Variants in COL26A1 observed in about 807,000 individuals in gnomAD.
COL26A1 encodes collagen alpha-1(XXVI) chain.
In COL26A1, 41 loss-of-function variants were observed where a neutral mutation model predicts 59.3. That is an observed-to-expected ratio of 0.69 (90% CI 0.54 to 0.90). The LOEUF is 0.90. COL26A1 is among the 40% of genes least tolerant of loss of function. The pLI is 0.00. For synonymous variants in COL26A1, 266 were observed against 256.0 expected (o/e 1.04, Z -0.37); for missense variants, 612 against 602.3 (o/e 1.02, Z -0.17).
Position 101,547,204 on chromosome 7 carries a change from G to T in COL26A1, c.905G>T (p.Gly302Val). The T allele has an allele frequency of 6.3e-7, 1 of 1,596,290 alleles. No homozygotes were observed. Among genetic ancestry groups the T allele is most frequent in the Non-Finnish European group, 8.5e-7 (1 of 1,173,130 alleles). ...ASAIVDTVLA[G>V]VPGPRGPPGP... ...GCCATCGTGGACACAGTGCTGGCAGGTGTCCCAGGACCCCGGGGTCCCCCT... is the reference window on the plus strand; with the variant it reads ...GCCATCGTGGACACAGTGCTGGCAGTTGTCCCAGGACCCCGGGGTCCCCCT... Residue 302 changes from glycine to valine, a missense_variant, in exon 8 of 13, where the codon GGT becomes GTT. Physicochemically the swap from Gly to Val is moderately radical, Grantham distance 109. Transcript: ENST00000313669.
At chr7:101,466,795 GGTGTGTGTGT>G (rs59942660) in intron 3 of COL26A1, among the ~76,000 whole-genome samples, 11 of 125,174 alleles carry the variant, frequency 8.8e-5, no homozygotes, top group East Asian at 4.7e-4. Flanking sequence ...GGCATGTTCT[GGTGTGTGTGT>G]GTGTGTGTGT....
At chr7:101,434,060 C>CCCTCCCTCCCTCCCTT (rs1792845747) in intron 2 of COL26A1, among the ~76,000 whole-genome samples, 1 of 108,570 alleles carries the variant, frequency 9.2e-6, no homozygotes, top group Non-Finnish European at 1.9e-5. Context: ...CTCCCTCCCT[C>CCCTCCCTCCCTCCCTT]CCTCCCTCCC....
intron 1 of COL26A1, among the ~76,000 whole-genome samples, chr7:101,415,156 C>A (rs75826527): frequency 3.8e-5 from 4 of 104,596 alleles, no homozygotes; most frequent in South Asian, 3.2e-4. Context: ...TAACCCCCCC[C>A]CTTTTTTTTT....
intron 3 of COL26A1, among the ~76,000 whole-genome samples, chr7:101,471,732 A>G (rs892141780): frequency 2.0e-5 from 3 of 151,686 alleles, no homozygotes; most frequent in African/African-American, 7.3e-5. Flanking sequence ...GGCACGCACC[A>G]TCGTGCCTGG....
At chr7:101,474,919 G>T (rs982770003) in intron 3 of COL26A1, among the ~76,000 whole-genome samples, 1 of 152,144 alleles carries the variant, frequency 6.6e-6, no homozygotes, top group African/African-American at 2.4e-5. Flanking sequence ...CAGGCCAGGC[G>T]CAGTGGCTCA....
chr7:101,433,067 A>G (rs938466522), intron 2 of COL26A1, among the ~76,000 whole-genome samples: 1 of 152,160 alleles, frequency 6.6e-6, no homozygotes, highest in Non-Finnish European at 1.5e-5. Context: ...TCACTCCTGT[A>G]ATCCCAACAC....
chr7:101,398,590 A>C (rs540519994), intron 1 of COL26A1, among the ~76,000 whole-genome samples: 35 of 152,172 alleles, frequency 2.3e-4, no homozygotes, highest in Non-Finnish European at 4.7e-4. Context: ...AATGGCAAGA[A>C]TCAATGTGTC....
At chr7:101,551,237 G>GGGGGGTTTGGGGGGGGGGT in intron 10 of COL26A1, 94 bp downstream of exon 10, 1 of 386,366 alleles carries the variant, frequency 2.6e-6, no homozygotes, top group Non-Finnish European at 5.0e-6. Flanking sequence ...TGGTGGGGGG[G>GGGGGGTTTGGGGGGGGGGT]TTCAGCCCTG....
At chr7:101,465,945 G>T (rs114568980) in intron 3 of COL26A1, among the ~76,000 whole-genome samples, 3,128 of 152,226 alleles carry the variant, frequency 0.021, 83 homozygotes, top group African/African-American at 0.071. Flanking sequence ...TGGCACTGCA[G>T]GGGCCAGCAG....
intron 3 of COL26A1, among the ~76,000 whole-genome samples, chr7:101,498,587 TGAGAAAC>T (rs1453675778): frequency 6.6e-6 from 1 of 152,196 alleles, no homozygotes; most frequent in Non-Finnish European, 1.5e-5. Context: ...TTTCTTTGCA[TGAGAAAC>T]AGTGACCCTG....
rs1554403716 is a variant in COL26A1 at position 101,385,337 on chromosome 7, G to GTGTA, written c.158+22148_158+22149insGTAT. Among the ~76,000 whole-genome samples, 646 of 139,876 alleles carry GTGTA rather than the reference G, an allele frequency of 4.6e-3. 3 individuals carry two copies. The highest frequency in any genetic ancestry group is 0.016 in the African/African-American group (619 of 38,602). 91.8% of individuals were successfully genotyped at this position (139,876 alleles called of 152,430 possible). A position where few individuals can be genotyped will look rare whatever the true frequency, so the allele number is the denominator to read the frequency against. On this transcript the variant is annotated intron_variant, in intron 1 of 12. Coordinates refer to ENST00000313669, the MANE Select transcript of COL26A1 (RefSeq NM_001278563.3). ...TATATATATACTCGACACTAAATAT[G>GTGTA]TATATATATATATGTGTATATATAT...
intron 11 of COL26A1, 49 bp downstream of exon 11, chr7:101,553,425 C>G: frequency 1.3e-6 from 2 of 1,582,928 alleles, no homozygotes; most frequent in South Asian, 1.1e-5. Flanking sequence ...TGGCTGTGAG[C>G]ACTGTCACGG....
chr7:101,395,593 G>T (rs2130170218), intron 1 of COL26A1, among the ~76,000 whole-genome samples: 1 of 152,306 alleles, frequency 6.6e-6, no homozygotes, highest in South Asian at 2.1e-4. Context: ...CTGCAGGAAT[G>T]AATTGAGAAC....
chr7:101,532,612 C>G (rs1214817483), intron 3 of COL26A1, among the ~76,000 whole-genome samples: 1 of 152,146 alleles, frequency 6.6e-6, no homozygotes, highest in East Asian at 1.9e-4. Flanking sequence ...CTTGATTGTC[C>G]CCCTGATTGG....
intron 1 of COL26A1, among the ~76,000 whole-genome samples, chr7:101,388,501 A>T (rs374793655): frequency 1.9e-4 from 29 of 150,918 alleles, no homozygotes; most frequent in African/African-American, 7.1e-4. Context: ...AAGCCCCGAA[A>T]CTCTGTACCT....
At chr7:101,461,307 T>C (rs768062792) in intron 3 of COL26A1, among the ~76,000 whole-genome samples, 83 of 90,846 alleles carry the variant, frequency 9.1e-4, no homozygotes, top group African/African-American at 4.9e-3. Context: ...TCCTCCTCCT[T>C]CTTTTTTTTT....
At chr7:101,473,652 AC>A (rs1562998960) in intron 3 of COL26A1, among the ~76,000 whole-genome samples, 3 of 140,944 alleles carry the variant, frequency 2.1e-5, no homozygotes, top group Non-Finnish European at 3.1e-5. Context: ...ACACACACAC[AC>A]AAACACACAC....
intron 3 of COL26A1, among the ~76,000 whole-genome samples, chr7:101,459,216 G>C (rs576750128): frequency 5.3e-5 from 8 of 152,276 alleles, no homozygotes; most frequent in Admixed American, 2.0e-4. Context: ...CAGTACAAGG[G>C]ACAGGGCCGC....
chr7:101,415,374 G>A (rs1252515151), intron 1 of COL26A1, among the ~76,000 whole-genome samples: 4 of 152,022 alleles, frequency 2.6e-5, no homozygotes, highest in East Asian at 1.9e-4. Flanking sequence ...GACTGGTCTC[G>A]AACTCCTGAC....
Sources: allele counts gnomAD v4.1 joint callset (sites outside exome capture counted in the v4.1 genomes callset), GRCh38; gene constraint gnomAD v4.1.1; transcripts MANE v1.5; gene names NCBI Gene and HGNC (gene_info 2026-07-23, HGNC 2026-07-21).